Variants in NEK5 observed in about 807,000 individuals in gnomAD.
NEK5 encodes NIMA related kinase 5, also known as serine/threonine-protein kinase Nek5.
Under a neutral mutation model 109.2 loss-of-function variants are expected in NEK5, and 88 were observed. That is an observed-to-expected ratio of 0.81 (90% CI 0.68 to 0.96). The LOEUF (loss-of-function observed/expected upper bound fraction) is 0.96, where lower values mean the gene tolerates loss of function less well. Ranked by LOEUF, NEK5 falls within the 40% of genes least tolerant of loss-of-function variation. The pLI is 0.00. For missense variants in NEK5, 834 were observed against 920.7 expected, an observed-to-expected ratio of 0.91 and a Z score of 1.22; for synonymous variants, 283 against 299.9, an observed-to-expected ratio of 0.94 and a Z score of 0.58.
In NEK5 at chr13:52,034,406, C is replaced by A. The variant is rs1954338592; in HGVS notation, c.*2542G>T. ...TACTTCCAGTTTACAGCAAAGAATT[C>A]AAAATTGTTGAGTAAAGCTTGGTGA... On this transcript the variant is annotated 3_prime_UTR_variant, in exon 24 of 24. Transcript: ENST00000684899. 1 of 150,220 alleles carries A rather than the reference C, an allele frequency of 6.7e-6. No homozygotes were observed. Among genetic ancestry groups the A allele is most frequent in the South Asian group, 2.1e-4 (1 of 4,714 alleles). 9.3% of individuals were successfully genotyped at this position (150,220 alleles called of 1,614,324 possible). A position where few individuals can be genotyped will look rare whatever the true frequency, so the allele number is the denominator to read the frequency against.
At chr13:52,110,450 A>C (rs752241047) in intron 6 of NEK5, 40 bp from the exon 7 acceptor site, 1 of 1,601,490 alleles carries the variant, frequency 6.2e-7, no homozygotes. Flanking sequence ...GAGGTACTTC[A>C]AGAAAAGATC....
intron 13 of NEK5, among the ~76,000 whole-genome samples, chr13:52,092,440 A>G (rs1402561655): frequency 6.6e-6 from 1 of 151,760 alleles, no homozygotes; most frequent in Non-Finnish European, 1.5e-5. Context: ...AAAAAGAAAG[A>G]AAGGCTGGGA....
At chr13:52,110,871 G>A (rs185691151) in intron 5 of NEK5, among the ~76,000 whole-genome samples, 12 of 152,128 alleles carry the variant, frequency 7.9e-5, no homozygotes, top group South Asian at 2.1e-4. Flanking sequence ...GAGGCATGCC[G>A]TTCATGTTTT....
chr13:52,051,849 C>T (rs1593918948), intron 22 of NEK5, among the ~76,000 whole-genome samples: 1 of 152,328 alleles, frequency 6.6e-6, no homozygotes, highest in Admixed American at 6.5e-5. Flanking sequence ...TACCCTAAAA[C>T]AATTCTGTTG....
chr13:52,082,344 A>G (rs182617151), intron 17 of NEK5: 244 of 1,182,564 alleles, frequency 2.1e-4, no homozygotes, highest in Non-Finnish European at 2.5e-4. Flanking sequence ...AATTCTTAGT[A>G]TGGGCCAAAT....
At chr13:52,056,807 G>A (rs975061260) in intron 22 of NEK5, among the ~76,000 whole-genome samples, 118 of 151,632 alleles carry the variant, frequency 7.8e-4, no homozygotes, top group African/African-American at 2.8e-3. Flanking sequence ...AGTGTGTAGA[G>A]GGAAATTTAT....
chr13:52,038,530 G>A (rs1954385492), intron 23 of NEK5, among the ~76,000 whole-genome samples: 1 of 152,184 alleles, frequency 6.6e-6, no homozygotes. Context: ...CCAATGTACA[G>A]TGGGTCCAGA....
At chr13:52,095,858 G>A (rs1955401312) in intron 12 of NEK5, among the ~76,000 whole-genome samples, 1 of 152,204 alleles carries the variant, frequency 6.6e-6, no homozygotes, top group African/African-American at 2.4e-5. Flanking sequence ...CTGGGAGGTC[G>A]AGTGATATGC....
intron 17 of NEK5, among the ~76,000 whole-genome samples, chr13:52,077,309 C>G (rs1954886336): frequency 6.6e-6 from 1 of 152,166 alleles, no homozygotes; most frequent in African/African-American, 2.4e-5. Context: ...CTGAAACAAC[C>G]AAAGAGCCAA....
chr13:52,084,320 T>G (rs1955073668), intron 16 of NEK5, among the ~76,000 whole-genome samples: 1 of 151,948 alleles, frequency 6.6e-6, no homozygotes, highest in Non-Finnish European at 1.5e-5. Flanking sequence ...AGCTTCAACC[T>G]CAGCCTCCCA....
At chr13:52,067,713 G>T (rs1954713376) in intron 20 of NEK5, among the ~76,000 whole-genome samples, 1 of 123,620 alleles carries the variant, frequency 8.1e-6, no homozygotes, top group Non-Finnish European at 1.6e-5. Flanking sequence ...AGTCTTGCTT[G>T]CTCTGTCACC....
intron 16 of NEK5, among the ~76,000 whole-genome samples, chr13:52,084,709 AAGAGAGAGAGAGAGAGAG>A (rs879660846): frequency 1.1e-5 from 1 of 93,840 alleles, no homozygotes; most frequent in East Asian, 3.3e-4. Context: ...GGCTAATTTA[AAGAGAGAGAGAGAGAGAG>A]AGAGAGTGAG....
At chr13:52,076,034 T>C in intron 18 of NEK5, 29 bp downstream of exon 18, 1 of 1,405,830 alleles carries the variant, frequency 7.1e-7, no homozygotes, top group Non-Finnish European at 1.0e-6. Context: ...CTATTTAATA[T>C]GGAACCCAAA....
rs909577532 is a variant in NEK5, at chr13:52,102,349, T to A, written c.610-57A>T. The A allele has an allele frequency of 2.2e-5, 29 of 1,331,322 alleles. No homozygotes were observed. The African/African-American group carries it at 3.9e-4, about 18-fold the overall frequency. The allele number at this position is 1,331,322 out of a possible 1,614,324, so 82.5% of individuals were successfully genotyped here. A position where few individuals can be genotyped will look rare whatever the true frequency, so the allele number is the denominator to read the frequency against. On this transcript the variant is annotated intron_variant, in intron 9 of 23. Coordinates refer to ENST00000684899, the MANE Select transcript of NEK5 (RefSeq NM_001365552.1). Reference sequence around the variant, plus strand: ...AGAGAAAAGTTACTAAAGTAACAAATAATAAAAGTGTTAAAGTAACAAATA... The same window carrying A: ...AGAGAAAAGTTACTAAAGTAACAAAAAATAAAAGTGTTAAAGTAACAAATA...
intron 21 of NEK5, among the ~76,000 whole-genome samples, chr13:52,064,396 G>A (rs1444450716): frequency 4.8e-5 from 7 of 147,016 alleles, no homozygotes; most frequent in African/African-American, 1.7e-4. Flanking sequence ...CCGTCCGGGA[G>A]GTGGGGGAGC....
intron 21 of NEK5, among the ~76,000 whole-genome samples, chr13:52,063,036 TCTCCCC>T (rs1176741881): frequency 1.3e-5 from 2 of 150,704 alleles, no homozygotes; most frequent in Admixed American, 6.6e-5. Context: ...TCCCTCTCCC[TCTCCCC>T]ACGGTCCCCC....
At chr13:52,112,105 G>C (rs939764123) in intron 5 of NEK5, among the ~76,000 whole-genome samples, 163 bp downstream of exon 5, 1 of 151,950 alleles carries the variant, frequency 6.6e-6, no homozygotes, top group African/African-American at 2.4e-5. Flanking sequence ...AACTTGTTCT[G>C]GACTGAATCT....
intron 4 of NEK5, 86 bp downstream of exon 4, chr13:52,119,233 A>T: frequency 1.6e-6 from 1 of 618,368 alleles, no homozygotes; most frequent in Non-Finnish European, 2.6e-6. Context: ...ATTAATTTAT[A>T]CACAGTCCTT....
At chr13:52,087,169 G>A (rs976866777) in intron 15 of NEK5, among the ~76,000 whole-genome samples, 169 bp downstream of exon 15, 6 of 152,116 alleles carry the variant, frequency 3.9e-5, no homozygotes, top group African/African-American at 7.2e-5. Context: ...TAGCCATATC[G>A]CATTATCTGA....
Sources: gnomAD v4.1 joint callset for allele counts (sites outside exome capture counted in the v4.1 genomes callset) on GRCh38, gnomAD v4.1.1 for gene constraint, MANE v1.5 for transcripts, NCBI Gene and HGNC (gene_info 2026-07-23, HGNC 2026-07-21) for gene names.